POLRMT: variants seen among roughly 807,000 people sequenced by gnomAD.
POLRMT encodes DNA-directed RNA polymerase, mitochondrial.
POLRMT carries 114 observed loss-of-function variants against 132.2 expected under a neutral mutation model. The observed-to-expected ratio is 0.86, with a 90% CI of 0.74 to 1.01. The LOEUF (loss-of-function observed/expected upper bound fraction) is 1.01, where lower values mean the gene tolerates loss of function less well. POLRMT is among the 50% of genes least tolerant of loss of function. POLRMT has a pLI of 0.00. For synonymous variants in POLRMT, 1,020 were observed against 773.4 expected (o/e 1.32, Z -5.29); for missense variants, 2,003 against 1,729.1 (o/e 1.16, Z -2.81).
Position 629,998 on chromosome 19 carries a change from A to G in POLRMT, c.364T>C (p.Trp122Arg). The G allele has an allele frequency of 6.2e-7, 1 of 1,613,770 alleles. No homozygotes were observed. Among genetic ancestry groups the G allele is most frequent in the Non-Finnish European group, 8.5e-7 (1 of 1,180,020 alleles). The stretch of plus-strand genomic sequence containing the variant: ...TTATCCTTCTCCAGTATCTTTGCCC[A>G]GCGGCCACAGGGCACCGGGGTGGCA... ...KDATPVPCGR[W>R]AKILEKDKRT... Residue 122 changes from tryptophan to arginine, a missense_variant, in exon 3 of 21, where the codon TGG becomes CGG. Coordinates refer to ENST00000588649, the MANE Select transcript of POLRMT (RefSeq NM_005035.4).
In POLRMT at chr19:621,283, G is replaced by A. The variant is rs1032558497; in HGVS notation, c.2415C>T (p.Arg805=). The change falls in exon 10 of 21, where the codon CGC becomes CGT. Residue 805 remains arginine, a synonymous_variant. Transcript: ENST00000588649. ...WLPHNMDFRG[R]TYPCPPHFNH... ...TGAAGTGCGGCGGGCAGGGGTAGGT[G>A]CGGCCGCGGAAGTCCATGTTGTGCG... is the stretch of plus-strand genomic sequence containing the variant. 1.9e-6 allele frequency: 3 copies of A among 1,605,120 alleles called. No individual in the cohort carries two copies. The highest frequency in any genetic ancestry group is 2.2e-5 in the East Asian group (1 of 44,680).
Position 632,937 on chromosome 19 carries a change from C to A in POLRMT, c.90G>T (p.Gly30=), listed in dbSNP as rs1320585412. Residue 30 remains glycine, a splice_region_variant and synonymous_variant, in exon 2 of 21, where the codon GGG becomes GGT. Transcript: ENST00000588649. The part of the protein sequence containing the change: ...CGRPGLPGKE[G]TAGGVCGPRR... Reference sequence around the variant, plus strand: ...TGGGGCCGCAGACGCCACCGGCGGTCCCTGCGGGAAAGACGAGAGCGGCTG... The same window carrying A: ...TGGGGCCGCAGACGCCACCGGCGGTACCTGCGGGAAAGACGAGAGCGGCTG... 6.0e-6 allele frequency: 9 copies of A among 1,508,226 alleles called. No homozygotes were observed. Among genetic ancestry groups the A allele is most frequent in the Non-Finnish European group, 7.9e-6 (9 of 1,132,814 alleles). The allele number at this position is 1,508,226 out of a possible 1,614,324, so 93.4% of individuals were successfully genotyped here. A position where few individuals can be genotyped will look rare whatever the true frequency, so the allele number is the denominator to read the frequency against.
chr19:632,819 G>A lies in POLRMT; in HGVS notation c.193+15C>T. 1 of 1,528,996 alleles carries A rather than the reference G, an allele frequency of 6.5e-7. No individual in the cohort carries two copies. The highest frequency in any genetic ancestry group is 8.8e-7 in the Non-Finnish European group (1 of 1,139,402). 94.7% of individuals were successfully genotyped at this position (1,528,996 alleles called of 1,614,324 possible). On this transcript the variant is annotated intron_variant, in intron 2 of 20. Transcript: ENST00000588649. ...GGACTCTCCTCTCCCGGGCCGCCGT[G>A]GGGGTCGCGCTCACCCTCCAGCAGC...
chr19:618,443 G>A lies in POLRMT; in HGVS notation c.3422+45C>T, dbSNP rs202011115. 3.3e-5 allele frequency: 48 copies of A among 1,443,866 alleles called. No individual in the cohort carries two copies. In the East Asian group the frequency reaches 7.4e-4, roughly 22 times the overall value. The allele number at this position is 1,443,866 out of a possible 1,614,324, so 89.4% of individuals were successfully genotyped here. On this transcript the variant is annotated intron_variant, in intron 17 of 20. Coordinates refer to ENST00000588649, the MANE Select transcript of POLRMT (RefSeq NM_005035.4). Reference sequence around the variant, plus strand: ...AGCTGTGCCCTGCTAGCCAGAAGACGCCCCTGGGAGGCGAGCGGCACCCAC... The same window carrying A: ...AGCTGTGCCCTGCTAGCCAGAAGACACCCCTGGGAGGCGAGCGGCACCCAC...
At chr19:626,801 G>A (rs1014306889) in intron 3 of POLRMT, among the ~76,000 whole-genome samples, 4 of 151,122 alleles carry the variant, frequency 2.6e-5, no homozygotes, top group African/African-American at 7.3e-5. Flanking sequence ...CGGAAATTGC[G>A]GTAAGCCGGG....
chr19:619,158 C>T (rs748231225), intron 14 of POLRMT, 48 bp from the exon 15 acceptor site: 3 of 1,610,316 alleles, frequency 1.9e-6, no homozygotes, highest in Non-Finnish European at 2.5e-6. Flanking sequence ...GCCGGGGATC[C>T]CGTCCACTTG....
At chr19:633,269 A>G in intron 1 of POLRMT, 156 bp downstream of exon 1, 1 of 956,350 alleles carries the variant, frequency 1.0e-6, no homozygotes, top group Non-Finnish European at 1.4e-6. Context: ...CTCAGTCGAA[A>G]AGCGGGCAAG....
Position 622,929 on chromosome 19 carries a change from C to G in POLRMT, c.1347G>C (p.Leu449=). Residue 449 remains leucine (L), a synonymous_variant, in exon 7 of 21, where the codon CTG becomes CTC. Coordinates refer to ENST00000588649, the MANE Select transcript of POLRMT (RefSeq NM_005035.4). ...DQWEKALCRA[L]RETKNRLERE... is the part of the protein sequence containing the mutation. The stretch of plus-strand genomic sequence containing the variant: ...GCTCTAGGCGGTTCTTGGTCTCCCG[C>G]AGCGCCCGGCACAGTGCTTTCTCCC... 6.2e-7 allele frequency: 1 copy of G among 1,612,906 alleles called. No homozygotes were observed.
intron 19 of POLRMT, 36 bp from the exon 20 acceptor site, chr19:617,516 C>T (rs1280080006): frequency 7.5e-6 from 12 of 1,592,220 alleles, no homozygotes; most frequent in African/African-American, 2.7e-5. Context: ...AGGCTGAGGC[C>T]AGGTTTTGGG....
At chr19:620,618 G>A (rs1415572139) in intron 10 of POLRMT, 131 bp from the exon 11 acceptor site, 5 of 1,193,846 alleles carry the variant, frequency 4.2e-6, no homozygotes, top group Middle Eastern at 2.3e-4. Context: ...GGACGCATGT[G>A]GGCGAGAGAC....
In POLRMT at chr19:622,853, C is replaced by G; in HGVS notation, c.1423G>C (p.Asp475His). Residue 475 changes from aspartate (D) to histidine (H), a missense_variant, in exon 7 of 21, where the codon GAC becomes CAC. Asp to His is a moderately conservative substitution (Grantham distance 81). Coordinates refer to ENST00000588649, the MANE Select transcript of POLRMT (RefSeq NM_005035.4). ...FSLYPFLCLL[D>H]EREVVRMLLQ... The stretch of plus-strand genomic sequence containing the variant: ...AGCATCCGCACCACCTCGCGCTCGT[C>G]CAGCAGGCACAGGAAGGGGTAAAGT... 5 of 1,605,240 alleles carry G rather than the reference C, an allele frequency of 3.1e-6. No homozygotes were observed. Among genetic ancestry groups the G allele is most frequent in the East Asian group, 2.2e-5 (1 of 44,528 alleles).
intron 4 of POLRMT, 45 bp from the exon 5 acceptor site, chr19:624,950 TG>T: frequency 1.3e-6 from 2 of 1,570,546 alleles, no homozygotes; most frequent in Non-Finnish European, 1.7e-6. Context: ...AGCCCCACGC[TG>T]GGCTTCCACA....
chr19:632,126 G>C (rs550722780), intron 2 of POLRMT, among the ~76,000 whole-genome samples: 1 of 143,790 alleles, frequency 7.0e-6, no homozygotes, highest in Admixed American at 7.0e-5. Flanking sequence ...AGTGCTGGGA[G>C]TACAGGCGTG....
intron 1 of POLRMT, 101 bp from the exon 2 acceptor site, chr19:633,039 G>T: frequency 3.7e-6 from 3 of 820,600 alleles, no homozygotes; most frequent in Non-Finnish European, 5.3e-6. Context: ...AGCCCTAAAC[G>T]CAGCGGAAAC....
In POLRMT at chr19:620,721, G is replaced by C. The variant is rs938886003; in HGVS notation, c.2641-234C>G. Among the ~76,000 whole-genome samples the C allele has an allele frequency of 1.3e-3, 192 of 147,396 alleles. 2 individuals carry two copies. Among genetic ancestry groups the C allele is most frequent in the Non-Finnish European group, 2.5e-3 (167 of 66,554 alleles). On this transcript the variant is annotated intron_variant, in intron 10 of 20. Coordinates refer to ENST00000588649, the MANE Select transcript of POLRMT (RefSeq NM_005035.4). ...GAAACAAGCGTGTCCGGAGCTGCCG[G>C]GGGAGGAGGGTGGACAGAGGACCTG...
At position 632,887 on chromosome 19, in the gene POLRMT, T is replaced by C. The variant is rs746423245; in HGVS notation, c.140A>G (p.Gln47Arg). 1 of 1,547,840 alleles carries C rather than the reference T, an allele frequency of 6.5e-7. No individual in the cohort carries two copies. Among genetic ancestry groups the C allele is most frequent in the Non-Finnish European group, 8.7e-7 (1 of 1,150,906 alleles). Residue 47 changes from glutamine (Q) to arginine (R), a missense_variant, in exon 2 of 21, where the codon CAG becomes CGG. Gln to Arg is a conservative substitution (Grantham distance 43, BLOSUM62 1). Transcript: ENST00000588649. ...GPRRSSSASP[Q>R]EQDQDRRKDW... ...CTTCCTGCGGTCTTGGTCTTGCTCC[T>C]GGGGGCTGGCGGACGAGCTCCTCCT...
In POLRMT at chr19:621,262, G is replaced by A. The variant is rs774470658; in HGVS notation, c.2436C>T (p.His812=). The change falls in exon 10 of 21, where the codon CAC becomes CAT. Residue 812 remains histidine, a synonymous_variant. Transcript: ENST00000588649. ...CCACGTCGCTGCCCAGGTGGTTGAAGTGCGGCGGGCAGGGGTAGGTGCGGC... is the reference window on the plus strand; with the variant it reads ...CCACGTCGCTGCCCAGGTGGTTGAAATGCGGCGGGCAGGGGTAGGTGCGGC... ...FRGRTYPCPP[H]FNHLGSDVAR... is the part of the protein sequence containing the mutation. The A allele has an allele frequency of 2.4e-5, 38 of 1,608,238 alleles. No individual in the cohort carries two copies. The highest frequency in any genetic ancestry group is 4.0e-5 in the African/African-American group (3 of 74,742).
intron 6 of POLRMT, 51 bp downstream of exon 6, chr19:623,403 G>A (rs756440971): frequency 1.1e-5 from 17 of 1,591,216 alleles, no homozygotes; most frequent in South Asian, 3.3e-5. Context: ...GTGGACACGC[G>A]ACCCCGGCTC....
chr19:621,441 C>A lies in POLRMT; in HGVS notation c.2257G>T (p.Ala753Ser), dbSNP rs1347491818. ...TCACGGCGCAGCTCGGCCTTGCGGG[C>A]GGGCGCGGCGCTGTGCGGCAGGTGG... ...EAHLPHSAAP[A>S]RKAELRRELA... Residue 753 changes from alanine (A) to serine (S), a missense_variant, in exon 10 of 21, where the codon GCC (alanine) becomes TCC (serine). Ala to Ser is a moderately conservative substitution (Grantham distance 99). Coordinates refer to ENST00000588649, the MANE Select transcript of POLRMT (RefSeq NM_005035.4). 8 of 1,439,270 alleles carry A rather than the reference C, an allele frequency of 5.6e-6. No homozygotes were observed. Among genetic ancestry groups the A allele is most frequent in the Non-Finnish European group, 7.3e-6 (8 of 1,101,342 alleles). 89.2% of individuals were successfully genotyped at this position (1,439,270 alleles called of 1,614,324 possible).
Sources: gnomAD v4.1 joint callset for allele counts (sites outside exome capture counted in the v4.1 genomes callset) on GRCh38, gnomAD v4.1.1 for gene constraint, MANE v1.5 for transcripts, NCBI Gene and HGNC (gene_info 2026-07-23, HGNC 2026-07-21) for gene names.